Variants in ZNF644 observed in about 807,000 individuals in gnomAD.
The protein encoded by ZNF644 is zinc finger protein 644, also known as zinc finger motif enhancer binding protein 2.
Under a neutral mutation model 108.0 loss-of-function variants are expected in ZNF644, and 20 were observed. That is an observed-to-expected ratio of 0.19 (90% CI 0.13 to 0.27). The LOEUF (loss-of-function observed/expected upper bound fraction) is 0.27, where lower values mean the gene tolerates loss of function less well. Ranked by LOEUF, ZNF644 falls within the 10% of genes least tolerant of loss-of-function variation. The probability of loss-of-function intolerance (pLI) is 1.00; values close to 1 mark genes in which losing one functional copy is unlikely to be tolerated. For missense variants in ZNF644, 1,338 were observed against 1,548.9 expected (o/e 0.86, Z 2.29); for synonymous variants, 542 against 539.1 (o/e 1.01, Z -0.08).
chr1:90,987,621 A>C (rs746155396), intron 1 of ZNF644, among the ~76,000 whole-genome samples: 5 of 152,018 alleles, frequency 3.3e-5, no homozygotes, highest in African/African-American at 4.8e-5. Flanking sequence ...AATTAACACC[A>C]ATCTTCCTCA....
chr1:90,917,935 T>C (rs1380297226), intron 5 of ZNF644, 117 bp downstream of exon 5: 3 of 843,440 alleles, frequency 3.6e-6, no homozygotes, highest in South Asian at 2.9e-5. Context: ...AGTTCATTTA[T>C]AACTTGATTG....
At chr1:91,013,239 A>G (rs1475430931) in intron 1 of ZNF644, among the ~76,000 whole-genome samples, 4 of 151,840 alleles carry the variant, frequency 2.6e-5, no homozygotes, top group African/African-American at 7.3e-5. Context: ...ATGCCCAGCT[A>G]ATTTTTGTAT....
At chr1:90,941,943 A>T (rs2100978356) in intron 2 of ZNF644, among the ~76,000 whole-genome samples, 1 of 152,322 alleles carries the variant, frequency 6.6e-6, no homozygotes, top group Non-Finnish European at 1.5e-5. Flanking sequence ...ATGTTCTCCC[A>T]ACATTCTATC....
In ZNF644 at chr1:91,017,381, T is replaced by G. The variant is rs75129514; in HGVS notation, c.-18+4609A>C. On this transcript the variant is annotated intron_variant, in intron 1 of 5. Transcript: ENST00000337393. ...CAGACAGAAGAGGTAGGGCCAAGAT[T>G]AGTAGGAGAGGGGAAAGAAAATCTC... Among the ~76,000 whole-genome samples, 679 of 152,258 alleles carry G rather than the reference T, an allele frequency of 4.5e-3. 15 individuals carry two copies. The East Asian group carries it at 0.076, about 17-fold the overall frequency.
At chr1:90,984,579 G>C (rs1656897439) in intron 1 of ZNF644, among the ~76,000 whole-genome samples, 1 of 152,092 alleles carries the variant, frequency 6.6e-6, no homozygotes, top group Admixed American at 6.6e-5. Flanking sequence ...TTTTAGTAGA[G>C]ACAGGGTTTC....
chr1:90,994,260 A>C (rs999774113), intron 1 of ZNF644, among the ~76,000 whole-genome samples: 1 of 152,224 alleles, frequency 6.6e-6, no homozygotes, highest in Non-Finnish European at 1.5e-5. Flanking sequence ...CAAGCCAAAA[A>C]TAAAGACATC....
chr1:90,928,835 A>G (rs753831712), intron 4 of ZNF644, among the ~76,000 whole-genome samples: 19 of 151,874 alleles, frequency 1.3e-4, no homozygotes, highest in Non-Finnish European at 2.1e-4. Context: ...AATATTCTAC[A>G]CTTCATCTCG....
intron 2 of ZNF644, among the ~76,000 whole-genome samples, chr1:90,948,597 T>A (rs138920781): frequency 2.6e-5 from 4 of 152,358 alleles, no homozygotes; most frequent in African/African-American, 4.8e-5. Flanking sequence ...AATGTAGGTT[T>A]CACATGCCAT....
At chr1:91,010,206 G>A (rs961366451) in intron 1 of ZNF644, among the ~76,000 whole-genome samples, 1 of 148,888 alleles carries the variant, frequency 6.7e-6, no homozygotes, top group African/African-American at 2.5e-5. Context: ...CAAGGAAAAC[G>A]CTTGCATTCC....
intron 1 of ZNF644, among the ~76,000 whole-genome samples, chr1:91,008,102 G>C (rs940024083): frequency 7.2e-5 from 11 of 152,192 alleles, no homozygotes; most frequent in African/African-American, 1.9e-4. Flanking sequence ...GGGAAAAAGA[G>C]ACTGGGAATA....
Position 90,916,465 on chromosome 1 carries a change from A to C in ZNF644, c.*333T>G, listed in dbSNP as rs1220939439. ...TAAACAGAGCCTTGATTCTGGTAACACTGCAAAAAACATAATTGTCCAATA... is the reference window on the plus strand; with the variant it reads ...TAAACAGAGCCTTGATTCTGGTAACCCTGCAAAAAACATAATTGTCCAATA... On this transcript the variant is annotated 3_prime_UTR_variant, in exon 6 of 6. Coordinates refer to ENST00000337393, the MANE Select transcript of ZNF644 (RefSeq NM_201269.3). 1 of 249,296 alleles carries C rather than the reference A, an allele frequency of 4.0e-6. No homozygotes were observed. The highest frequency in any genetic ancestry group is 7.8e-6 in the Non-Finnish European group (1 of 128,402). The allele number at this position is 249,296 out of a possible 1,614,324, so 15.4% of individuals were successfully genotyped here.
intron 1 of ZNF644, among the ~76,000 whole-genome samples, chr1:90,998,852 C>G (rs201913962): frequency 1.2e-4 from 19 of 152,284 alleles, no homozygotes; most frequent in Non-Finnish European, 1.5e-5. Context: ...GAAGTCCTTA[C>G]ATGACCTGAT....
intron 2 of ZNF644, 31 bp from the exon 3 acceptor site, chr1:90,941,340 G>T (rs371705294): frequency 4.4e-5 from 70 of 1,577,114 alleles, no homozygotes; most frequent in East Asian, 1.1e-4. Context: ...ATTTAGATTT[G>T]CATGAAAGAA....
intron 1 of ZNF644, among the ~76,000 whole-genome samples, chr1:90,988,532 C>T (rs1406658443): frequency 6.6e-6 from 1 of 152,094 alleles, no homozygotes; most frequent in Non-Finnish European, 1.5e-5. Flanking sequence ...AACAGGAAAA[C>T]CTATCCTTAA....
At chr1:90,972,160 A>G (rs777374340) in intron 2 of ZNF644, among the ~76,000 whole-genome samples, 17 of 152,180 alleles carry the variant, frequency 1.1e-4, no homozygotes, top group Non-Finnish European at 1.2e-4. Context: ...CTTTGTGAAA[A>G]TGTAAAAATT....
intron 2 of ZNF644, among the ~76,000 whole-genome samples, chr1:90,953,965 T>TA (rs934076454): frequency 2.0e-5 from 3 of 152,114 alleles, no homozygotes; most frequent in East Asian, 1.9e-4. Flanking sequence ...TTTATTGCTT[T>TA]AAAAAAATGC....
chr1:90,921,353 A>C (rs1649413943), intron 4 of ZNF644, among the ~76,000 whole-genome samples: 1 of 152,124 alleles, frequency 6.6e-6, no homozygotes, highest in African/African-American at 2.4e-5. Flanking sequence ...GATAACTGTT[A>C]CACAAAGCCT....
chr1:91,019,426 T>C (rs1360206126), intron 1 of ZNF644, among the ~76,000 whole-genome samples: 1 of 152,224 alleles, frequency 6.6e-6, no homozygotes, highest in African/African-American at 2.4e-5. Flanking sequence ...AATTTTTCAA[T>C]TTCTGGGTCA....
intron 2 of ZNF644, among the ~76,000 whole-genome samples, chr1:90,976,421 T>C (rs1656014916): frequency 6.6e-6 from 1 of 152,220 alleles, no homozygotes; most frequent in Non-Finnish European, 1.5e-5. Flanking sequence ...AAAGGCTTAC[T>C]GAATGCCTTG....
Sources: allele counts gnomAD v4.1 joint callset (sites outside exome capture counted in the v4.1 genomes callset), GRCh38; gene constraint gnomAD v4.1.1; transcripts MANE v1.5; gene names NCBI Gene and HGNC (gene_info 2026-07-23, HGNC 2026-07-21).